The following SLC25A26 variants were observed in gnomAD, a reference collection of about 807,000 sequenced individuals.
The protein encoded by SLC25A26 is mitochondrial S-adenosylmethionine carrier protein.
SLC25A26 carries 36 observed loss-of-function variants against 37.8 expected under a neutral mutation model. The ratio of observed to expected loss-of-function variants is 0.95; its 90% CI spans 0.73 to 1.26. The LOEUF (loss-of-function observed/expected upper bound fraction) is 1.26, where lower values mean the gene tolerates loss of function less well. SLC25A26 is among the 50% of genes most tolerant of loss of function. The pLI, the probability that SLC25A26 is intolerant of heterozygous loss-of-function variation, is 0.00. For missense variants in SLC25A26, 390 were observed against 331.1 expected (o/e 1.18, Z -1.38); for synonymous variants, 129 against 122.5 (o/e 1.05, Z -0.35).
At chr3:66,235,636 T>C (rs2072241019) in intron 1 of SLC25A26, among the ~76,000 whole-genome samples, 2 of 152,206 alleles carry the variant, frequency 1.3e-5, no homozygotes, top group African/African-American at 4.8e-5. Context: ...TCAATTCGGA[T>C]TCACTGCTTA....
chr3:66,269,452 T>A (rs1433372524), intron 5 of SLC25A26, among the ~76,000 whole-genome samples: 1 of 152,242 alleles, frequency 6.6e-6, no homozygotes, highest in African/African-American at 2.4e-5. Context: ...GATTTTGTAT[T>A]CACTGGCTAC....
At chr3:66,249,847 G>A (rs1325677158) in intron 3 of SLC25A26, among the ~76,000 whole-genome samples, 7 of 152,158 alleles carry the variant, frequency 4.6e-5, no homozygotes, top group African/African-American at 1.7e-4. Flanking sequence ...CATCAATAGT[G>A]TATGACTATT....
intron 5 of SLC25A26, among the ~76,000 whole-genome samples, chr3:66,317,676 C>A (rs1489631499): frequency 2.0e-5 from 3 of 152,186 alleles, no homozygotes; most frequent in African/African-American, 7.2e-5. Context: ...CCCCCTCATC[C>A]AGGCTGCCCT....
At chr3:66,274,097 A>T (rs1207495910) in intron 5 of SLC25A26, among the ~76,000 whole-genome samples, 1 of 152,068 alleles carries the variant, frequency 6.6e-6, no homozygotes, top group Admixed American at 6.6e-5. Context: ...ATAAGGCCGC[A>T]TATCTACAAC....
chr3:66,184,622 C>CTATGTATTACATGCTCACCTTG (rs2070790011), intron 1 of SLC25A26, among the ~76,000 whole-genome samples: 1 of 152,128 alleles, frequency 6.6e-6, no homozygotes, highest in Non-Finnish European at 1.5e-5. Flanking sequence ...ACATGCTCAA[C>CTATGTATTACATGCTCACCTTG]CAAATCCTCA....
At chr3:66,137,815 G>A (rs1332285321) in intron 1 of SLC25A26, among the ~76,000 whole-genome samples, 1 of 152,048 alleles carries the variant, frequency 6.6e-6, no homozygotes, top group East Asian at 1.9e-4. Context: ...AGTTAGTATA[G>A]TCACATGAAC....
chr3:66,163,767 CA>C (rs2070390382), intron 1 of SLC25A26, among the ~76,000 whole-genome samples: 1 of 152,172 alleles, frequency 6.6e-6, no homozygotes, highest in Admixed American at 6.5e-5. Flanking sequence ...GATTGAGCCC[CA>C]AGATGAATCT....
intron 5 of SLC25A26, among the ~76,000 whole-genome samples, chr3:66,264,227 G>A (rs561462981): frequency 4.6e-5 from 7 of 152,042 alleles, no homozygotes; most frequent in African/African-American, 1.2e-4. Context: ...AGCCAAGATC[G>A]TGCCACTGGA....
intron 5 of SLC25A26, among the ~76,000 whole-genome samples, chr3:66,271,889 C>T (rs1026128844): frequency 6.6e-6 from 1 of 151,876 alleles, no homozygotes; most frequent in African/African-American, 2.4e-5. Flanking sequence ...TTTTCTGCCA[C>T]CTTTGTTCTT....
At chr3:66,256,043 A>G (rs1277550857) in intron 3 of SLC25A26, among the ~76,000 whole-genome samples, 1 of 152,236 alleles carries the variant, frequency 6.6e-6, no homozygotes, top group East Asian at 1.9e-4. Context: ...ATAAATATTT[A>G]TACCAAACCA....
At chr3:66,162,824 A>C (rs1388941974) in intron 1 of SLC25A26, among the ~76,000 whole-genome samples, 1 of 152,224 alleles carries the variant, frequency 6.6e-6, no homozygotes, top group Non-Finnish European at 1.5e-5. Context: ...ATGGAGGTGA[A>C]GTTATGAAAA....
chr3:66,209,123 G>T (rs1224265107), intron 1 of SLC25A26, among the ~76,000 whole-genome samples: 3 of 69,532 alleles, frequency 4.3e-5, no homozygotes, highest in Admixed American at 1.7e-4. Flanking sequence ...TACACAAAAA[G>T]ATATATATAC....
At chr3:66,253,190 G>A (rs1192121753) in intron 3 of SLC25A26, among the ~76,000 whole-genome samples, 2 of 151,978 alleles carry the variant, frequency 1.3e-5, no homozygotes, top group South Asian at 4.2e-4. Context: ...GGCGGATCGT[G>A]AGGTCAGGAG....
chr3:66,197,622 G>A (rs1424588564), intron 1 of SLC25A26, among the ~76,000 whole-genome samples: 1 of 152,114 alleles, frequency 6.6e-6, no homozygotes, highest in South Asian at 2.1e-4. Context: ...AATGTCAAAT[G>A]CAGGGTGAAC....
chr3:66,352,321 T>C (rs1326116949), intron 6 of SLC25A26, among the ~76,000 whole-genome samples: 2 of 152,164 alleles, frequency 1.3e-5, no homozygotes, highest in Admixed American at 6.5e-5. Context: ...CAAGGCACTC[T>C]GTAATCTGGC....
chr3:66,247,357 G>T (rs1326493789), intron 3 of SLC25A26, among the ~76,000 whole-genome samples: 1 of 152,152 alleles, frequency 6.6e-6, no homozygotes. Context: ...CAACCAGGCT[G>T]AAGAGCAGTG....
At chr3:66,181,339 T>C (rs978940348) in intron 1 of SLC25A26, among the ~76,000 whole-genome samples, 1 of 152,192 alleles carries the variant, frequency 6.6e-6, no homozygotes, top group Non-Finnish European at 1.5e-5. Context: ...CTCCAGCAAA[T>C]TACTTTGTGT....
intron 6 of SLC25A26, among the ~76,000 whole-genome samples, chr3:66,361,809 A>G (rs1317765733): frequency 6.6e-6 from 1 of 152,104 alleles, no homozygotes; most frequent in African/African-American, 2.4e-5. Context: ...AGGACTAAAA[A>G]TACAAAAATT....
intron 5 of SLC25A26, among the ~76,000 whole-genome samples, chr3:66,323,439 GAGAA>G (rs1327288088): frequency 1.3e-5 from 2 of 152,232 alleles, no homozygotes; most frequent in African/African-American, 4.8e-5. Context: ...AATTGCAATA[GAGAA>G]AGAGTTTAAT....
Sources: allele counts gnomAD v4.1 joint callset (sites outside exome capture counted in the v4.1 genomes callset), GRCh38; gene constraint gnomAD v4.1.1; transcripts MANE v1.5; gene names NCBI Gene and HGNC (gene_info 2026-07-23, HGNC 2026-07-21).